TOX: variants seen among roughly 807,000 people sequenced by gnomAD.
The protein encoded by TOX is thymocyte selection-associated high mobility group box protein TOX.
TOX carries 11 observed loss-of-function variants against 53.7 expected under a neutral mutation model. That is an observed-to-expected ratio of 0.20 (90% CI 0.13 to 0.34). The LOEUF (loss-of-function observed/expected upper bound fraction) is 0.34, where lower values mean the gene tolerates loss of function less well. TOX is among the 10% of genes least tolerant of loss of function. TOX has a pLI of 1.00. For synonymous variants in TOX, 225 were observed against 245.3 expected, an observed-to-expected ratio of 0.92 and a Z score of 0.77; for missense variants, 570 against 664.6, an observed-to-expected ratio of 0.86 and a Z score of 1.56.
intron 1 of TOX, among the ~76,000 whole-genome samples, chr8:59,027,708 C>T (rs1324369259): frequency 6.6e-6 from 1 of 152,160 alleles, no homozygotes; most frequent in Non-Finnish European, 1.5e-5. Context: ...ACAATCTACT[C>T]ATGAGATTGG....
At chr8:58,926,165 G>C (rs1461802492) in intron 3 of TOX, among the ~76,000 whole-genome samples, 1 of 152,168 alleles carries the variant, frequency 6.6e-6, no homozygotes. Flanking sequence ...ACAGAGAGTG[G>C]CTTCCCAGCG....
intron 5 of TOX, among the ~76,000 whole-genome samples, chr8:58,835,572 A>G (rs562304324): frequency 2.4e-4 from 37 of 152,336 alleles, no homozygotes; most frequent in African/African-American, 8.4e-4. Context: ...GCGGGAAGAA[A>G]TCTGCAGCCT....
At chr8:58,972,014 G>A (rs1299126910) in intron 1 of TOX, among the ~76,000 whole-genome samples, 1 of 152,064 alleles carries the variant, frequency 6.6e-6, no homozygotes, top group Non-Finnish European at 1.5e-5. Context: ...TTATCTTTAT[G>A]TAAATGCAGT....
intron 1 of TOX, among the ~76,000 whole-genome samples, chr8:59,008,399 A>G (rs1278256565): frequency 2.0e-5 from 3 of 152,232 alleles, no homozygotes; most frequent in Non-Finnish European, 4.4e-5. Context: ...TTACCTTTCA[A>G]TGAAGGGGAA....
intron 1 of TOX, among the ~76,000 whole-genome samples, chr8:59,019,733 T>C (rs777691981): frequency 6.6e-6 from 1 of 152,254 alleles, no homozygotes; most frequent in Non-Finnish European, 1.5e-5. Flanking sequence ...ATGATATTTA[T>C]ATTTGACCAT....
Position 59,082,028 on chromosome 8 carries a change from TTCTA to T in TOX, c.102+36854_102+36857del, listed in dbSNP as rs546076817. Among the ~76,000 whole-genome samples, 716 of 152,362 alleles carry T rather than the reference TTCTA, an allele frequency of 4.7e-3. 3 individuals carry two copies. Among genetic ancestry groups the T allele is most frequent in the Non-Finnish European group, 8.0e-3 (545 of 68,028 alleles). ...TCAACTAAAGCAGTGATTTATTTCA[TTCTA>T]TCTGAGAACAGCTTTTTGAAACAGA... On this transcript the variant is annotated intron_variant, in intron 1 of 8. Transcript: ENST00000361421.
chr8:58,930,806 C>T (rs1585907902), intron 3 of TOX, among the ~76,000 whole-genome samples: 2 of 152,266 alleles, frequency 1.3e-5, no homozygotes, highest in Admixed American at 1.3e-4. Flanking sequence ...GTGCTGCTTT[C>T]CCCAAACTGC....
intron 2 of TOX, among the ~76,000 whole-genome samples, chr8:58,953,268 C>T (rs777028823): frequency 6.6e-6 from 1 of 152,098 alleles, no homozygotes; most frequent in African/African-American, 2.4e-5. Flanking sequence ...TGTATGGTGC[C>T]TGTATTCAGT....
intron 3 of TOX, among the ~76,000 whole-genome samples, chr8:58,929,664 G>A (rs1380502939): frequency 6.6e-6 from 1 of 151,966 alleles, no homozygotes; most frequent in East Asian, 1.9e-4. Flanking sequence ...GACAAAATGA[G>A]TTTATAATGC....
intron 1 of TOX, among the ~76,000 whole-genome samples, chr8:59,037,391 G>A (rs1213690639): frequency 6.6e-6 from 1 of 152,072 alleles, no homozygotes; most frequent in East Asian, 1.9e-4. Context: ...CAGATTGTCA[G>A]TCTACTTACT....
At chr8:58,989,228 A>G (rs1813393884) in intron 1 of TOX, among the ~76,000 whole-genome samples, 1 of 152,060 alleles carries the variant, frequency 6.6e-6, no homozygotes, top group Non-Finnish European at 1.5e-5. Flanking sequence ...AGGCAGGAGA[A>G]TCGCTTGAAC....
intron 1 of TOX, among the ~76,000 whole-genome samples, chr8:59,059,648 C>T (rs948243033): frequency 2.0e-5 from 3 of 152,120 alleles, no homozygotes; most frequent in Non-Finnish European, 4.4e-5. Flanking sequence ...GAATGGATTA[C>T]ATTATTTGTC....
chr8:58,885,576 G>A (rs1018766901), intron 3 of TOX, among the ~76,000 whole-genome samples: 11 of 152,062 alleles, frequency 7.2e-5, no homozygotes, highest in East Asian at 5.8e-4. Context: ...CCAATATGCC[G>A]TGCCAATACC....
chr8:58,928,353 A>G (rs1812199524), intron 3 of TOX, among the ~76,000 whole-genome samples: 4 of 152,222 alleles, frequency 2.6e-5, no homozygotes, highest in African/African-American at 9.6e-5. Flanking sequence ...GATAGTAGCT[A>G]TTAACAAGAG....
intron 1 of TOX, among the ~76,000 whole-genome samples, chr8:59,025,452 A>G (rs963180679): frequency 5.0e-5 from 7 of 140,030 alleles, no homozygotes; most frequent in Non-Finnish European, 1.1e-4. Context: ...GGAAGGTAGG[A>G]CTACACATAA....
Position 58,939,543 on chromosome 8 carries a change from G to A in TOX, c.170C>T (p.Ser57Phe). The A allele has an allele frequency of 6.2e-7, 1 of 1,603,146 alleles. No homozygotes were observed. The highest frequency in any genetic ancestry group is 1.1e-5 in the South Asian group (1 of 89,968). ...PSQDYVPASQ[S>F]YPGPSLESED... is the part of the protein sequence containing the mutation. Reference sequence around the variant, plus strand: ...ACTTTCCAGGCTTGGACCAGGGTAGGACTGTGAAAAGACAAAAGTGACATT... The same window carrying A: ...ACTTTCCAGGCTTGGACCAGGGTAGAACTGTGAAAAGACAAAAGTGACATT... The change falls in exon 3 of 9, where the codon TCC becomes TTC. Residue 57 changes from serine (S) to phenylalanine (F), a missense_variant and splice_region_variant. Physicochemically the swap from Ser to Phe is radical, Grantham distance 155. This residue lies in a region of TOX where 282 missense variants were observed against 315.0 expected (regional missense o/e 0.90). Coordinates refer to ENST00000361421, the MANE Select transcript of TOX (RefSeq NM_014729.3).
At chr8:59,047,642 T>C (rs532286627) in intron 1 of TOX, among the ~76,000 whole-genome samples, 2 of 151,562 alleles carry the variant, frequency 1.3e-5, no homozygotes, top group South Asian at 2.1e-4. Context: ...GGCGCCATCA[T>C]AGCACACTAG....
chr8:58,939,584 C>A, intron 2 of TOX, 40 bp from the exon 3 acceptor site: 1 of 1,569,158 alleles, frequency 6.4e-7, no homozygotes, highest in African/African-American at 1.4e-5. Context: ...AAATTATCAT[C>A]TTCTTGCTCT....
intron 1 of TOX, among the ~76,000 whole-genome samples, chr8:59,080,174 G>C (rs1804377242): frequency 1.3e-5 from 2 of 151,930 alleles, no homozygotes; most frequent in African/African-American, 4.8e-5. Context: ...GTAGACACAG[G>C]GTTTCACCAT....
Sources: gnomAD v4.1 joint callset for allele counts (sites outside exome capture counted in the v4.1 genomes callset) on GRCh38, gnomAD v4.1.1 for gene constraint, gnomAD v4.1.1 regional missense constraint, MANE v1.5 for transcripts, NCBI Gene and HGNC (gene_info 2026-07-23, HGNC 2026-07-21) for gene names.